The following TWIST2 variants were observed in gnomAD, a reference collection of about 807,000 sequenced individuals.
The protein encoded by TWIST2 is twist family bHLH transcription factor 2.
TWIST2 carries 1 observed loss-of-function variant against 11.6 expected under a neutral mutation model. The ratio of observed to expected loss-of-function variants is 0.09; its 90% CI spans 0.03 to 0.41. The LOEUF (loss-of-function observed/expected upper bound fraction) is 0.41, where lower values mean the gene tolerates loss of function less well. Ranked by LOEUF, TWIST2 falls within the 10% of genes least tolerant of loss-of-function variation. TWIST2 has a pLI of 0.98. For missense variants in TWIST2, 168 were observed against 226.4 expected (o/e 0.74, Z 1.66); for synonymous variants, 87 against 96.6 (o/e 0.90, Z 0.58).
intron 1 of TWIST2, among the ~76,000 whole-genome samples, chr2:238,881,803 C>T (rs867363275): frequency 2.2e-4 from 33 of 152,196 alleles, no homozygotes; most frequent in Admixed American, 9.2e-4. Context: ...AAATGTTATC[C>T]GGAGGAGCCA....
rs1574746590 is a variant in TWIST2 at position 238,856,581 on chromosome 2, T to C, written c.*35+7848T>C. Among the ~76,000 whole-genome samples, 4 of 152,062 alleles carry C rather than the reference T, an allele frequency of 2.6e-5. No individual in the cohort carries two copies. In the East Asian group the frequency reaches 7.7e-4, roughly 29 times the overall value. ...ATAAAAGAGAAGGTTAGGATGTGAA[T>C]AGGTCAAGTGATATATGAAGAATTT... On this transcript the variant is annotated intron_variant, in intron 1 of 1. Coordinates refer to ENST00000612363, the MANE Select transcript of TWIST2 (RefSeq NM_001271893.4).
chr2:238,873,547 G>A (rs983658432), intron 1 of TWIST2, among the ~76,000 whole-genome samples: 15 of 152,124 alleles, frequency 9.9e-5, no homozygotes, highest in African/African-American at 3.6e-4. Context: ...AGATGTGCAC[G>A]CATGAGCGCA....
At chr2:238,860,833 G>A (rs189281589) in intron 1 of TWIST2, among the ~76,000 whole-genome samples, 8 of 152,354 alleles carry the variant, frequency 5.3e-5, no homozygotes, top group African/African-American at 1.9e-4. Flanking sequence ...AGCTACTCGG[G>A]AGGCTGAGGC....
chr2:238,867,089 G>A lies in TWIST2; in HGVS notation c.*35+18356G>A, dbSNP rs144419757. Among the ~76,000 whole-genome samples the A allele has an allele frequency of 0.017, 2,632 of 152,250 alleles. 99 individuals are homozygous for A. The highest frequency in any genetic ancestry group is 0.13 in the East Asian group (684 of 5,154). ...ACGCACCTGGCAGCCTGGGGGTCTT[G>A]TGTTTGCCCCAAACAGAGGAGCCAG... is the stretch of plus-strand genomic sequence containing the variant. On this transcript the variant is annotated intron_variant, in intron 1 of 1. Transcript: ENST00000612363. This position sits in a 1 kb window ranked among gnomAD's most constrained non-coding sequence, Gnocchi z 4.8.
At chr2:238,855,760 C>G (rs768119338) in intron 1 of TWIST2, among the ~76,000 whole-genome samples, 1 of 152,088 alleles carries the variant, frequency 6.6e-6, no homozygotes, top group Non-Finnish European at 1.5e-5. Context: ...CTCAGTCACA[C>G]GTGGAAATAC....
At chr2:238,890,117 C>T (rs1693105798) in intron 1 of TWIST2, among the ~76,000 whole-genome samples, 1 of 152,228 alleles carries the variant, frequency 6.6e-6, no homozygotes, top group Admixed American at 6.5e-5. Context: ...CGAGGTTCAC[C>T]TGGGGCAGTG....
At chr2:238,900,559 T>C (rs1693256448) in intron 1 of TWIST2, among the ~76,000 whole-genome samples, 2 of 152,226 alleles carry the variant, frequency 1.3e-5, no homozygotes, top group African/African-American at 4.8e-5. Flanking sequence ...GCATTTCTAG[T>C]GGAATTTCCC....
chr2:238,885,029 G>A (rs149647186), intron 1 of TWIST2, among the ~76,000 whole-genome samples: 248 of 152,346 alleles, frequency 1.6e-3, no homozygotes, highest in African/African-American at 5.5e-3. Flanking sequence ...CTCCTGAGAA[G>A]CCTGGAGCGG....
intron 1 of TWIST2, among the ~76,000 whole-genome samples, chr2:238,897,204 C>G (rs1046012347): frequency 1.0e-3 from 158 of 152,054 alleles, no homozygotes; most frequent in African/African-American, 3.7e-3. Flanking sequence ...TTCCTCCTGC[C>G]GCACTTCTCC....
chr2:238,884,586 G>A (rs1692997227), intron 1 of TWIST2, among the ~76,000 whole-genome samples: 1 of 152,260 alleles, frequency 6.6e-6, no homozygotes, highest in Admixed American at 6.5e-5. Flanking sequence ...GGACTGGGCT[G>A]GCGAGGTGAG....
At chr2:238,894,419 A>G (rs1337772591) in intron 1 of TWIST2, among the ~76,000 whole-genome samples, 1 of 152,066 alleles carries the variant, frequency 6.6e-6, no homozygotes, top group Non-Finnish European at 1.5e-5. Flanking sequence ...TCAGCGGGTC[A>G]CTGTGTCTGG....
chr2:238,905,958 CGTGTGCGTGTGTGT>C (rs1574769865), intron 1 of TWIST2, among the ~76,000 whole-genome samples: 3 of 107,680 alleles, frequency 2.8e-5, no homozygotes, highest in South Asian at 2.6e-4. Flanking sequence ...CGCGTGTGTA[CGTGTGCGTGTGTGT>C]GCGCGCGCGT....
intron 1 of TWIST2, among the ~76,000 whole-genome samples, chr2:238,853,093 T>A (rs1692269730): frequency 6.6e-6 from 1 of 151,924 alleles, no homozygotes; most frequent in Non-Finnish European, 1.5e-5. Context: ...AAGAATAGTA[T>A]CCCAGAAATA....
chr2:238,893,493 G>A (rs1366744827), intron 1 of TWIST2, among the ~76,000 whole-genome samples: 1 of 152,238 alleles, frequency 6.6e-6, no homozygotes, highest in South Asian at 2.1e-4. Flanking sequence ...CAGAAGCACA[G>A]CCTGTGCCTC....
intron 1 of TWIST2, among the ~76,000 whole-genome samples, chr2:238,893,741 C>A (rs886337461): frequency 1.3e-5 from 2 of 152,220 alleles, no homozygotes; most frequent in Non-Finnish European, 2.9e-5. Context: ...CGCCATTGTT[C>A]GCAGCTTCTG....
At chr2:238,865,081 G>T (rs1255821427) in intron 1 of TWIST2, among the ~76,000 whole-genome samples, 1 of 152,186 alleles carries the variant, frequency 6.6e-6, no homozygotes, top group East Asian at 1.9e-4. Flanking sequence ...CAGCAAGCAT[G>T]CAAGCACTGG....
Position 238,880,865 on chromosome 2 carries a change from GTGTTAT to G in TWIST2, c.*36-28971_*36-28966del, listed in dbSNP as rs1277936043. 6.9e-5 allele frequency among the ~76,000 whole-genome samples: 8 copies of G among 116,468 alleles called. 2 individuals are homozygous for G. Among genetic ancestry groups the G allele is most frequent in the Non-Finnish European group, 1.3e-4 (7 of 55,966 alleles). 76.4% of individuals were successfully genotyped at this position (116,468 alleles called of 152,430 possible). On this transcript the variant is annotated intron_variant, in intron 1 of 1. Transcript: ENST00000612363. ...TTAGTACTAGTATTTATTAGTGTTA[GTGTTAT>G]TGTTAGTGTTAGTGTTGGTATTTAT...
At chr2:238,902,187 C>A (rs1452845352) in intron 1 of TWIST2, among the ~76,000 whole-genome samples, 2 of 150,668 alleles carry the variant, frequency 1.3e-5, no homozygotes, top group African/African-American at 4.9e-5. Context: ...TGTGTGTGTG[C>A]AAGAGAGAGA....
chr2:238,889,026 G>A (rs904931894), intron 1 of TWIST2, among the ~76,000 whole-genome samples: 1 of 152,132 alleles, frequency 6.6e-6, no homozygotes, highest in Non-Finnish European at 1.5e-5. Context: ...GTCATCCTTG[G>A]GTCTGTCCTG....
Sources: allele counts gnomAD v4.1 joint callset (sites outside exome capture counted in the v4.1 genomes callset), GRCh38; gene constraint gnomAD v4.1.1; non-coding constraint Gnocchi (gnomAD v3.1); transcripts MANE v1.5; gene names NCBI Gene and HGNC (gene_info 2026-07-23, HGNC 2026-07-21).